PARP8: variants seen among roughly 807,000 people sequenced by gnomAD.
The protein encoded by PARP8 is protein mono-ADP-ribosyltransferase PARP8.
PARP8 carries 51 observed loss-of-function variants against 124.1 expected under a neutral mutation model. The ratio of observed to expected loss-of-function variants is 0.41; its 90% confidence interval spans 0.33 to 0.52. The LOEUF is 0.52. Among genes scored for constraint, PARP8 ranks in the 20% least tolerant of loss-of-function variants. The pLI, the probability that PARP8 is intolerant of heterozygous loss-of-function variation, is 0.21. For synonymous variants in PARP8, 391 were observed against 361.5 expected (o/e 1.08, Z -0.93); for missense variants, 860 against 1,018.9 (o/e 0.84, Z 2.12).
intron 21 of PARP8, among the ~76,000 whole-genome samples, chr5:50,828,759 G>T (rs192214790): frequency 6.7e-6 from 1 of 150,000 alleles, no homozygotes; most frequent in East Asian, 1.9e-4. Flanking sequence ...TTATCCAGGC[G>T]TGGTAGCACA....
At chr5:50,807,566 A>G (rs746627338) in intron 14 of PARP8, among the ~76,000 whole-genome samples, 4 of 152,124 alleles carry the variant, frequency 2.6e-5, no homozygotes, top group Non-Finnish European at 4.4e-5. Flanking sequence ...AAAAACAATA[A>G]AACAAGGACT....
intron 7 of PARP8, among the ~76,000 whole-genome samples, chr5:50,764,951 T>A (rs1358262464): frequency 6.6e-6 from 1 of 152,070 alleles, no homozygotes; most frequent in Non-Finnish European, 1.5e-5. Flanking sequence ...AGACTTCAAC[T>A]TCTTTTTTTT....
intron 7 of PARP8, among the ~76,000 whole-genome samples, chr5:50,767,527 G>A (rs1761174902): frequency 1.3e-5 from 2 of 152,178 alleles, no homozygotes; most frequent in Admixed American, 1.3e-4. Context: ...CAACGCAAGG[G>A]CTTTCTCCTA....
intron 25 of PARP8, among the ~76,000 whole-genome samples, chr5:50,841,742 TAA>T (rs5867719): frequency 2.1e-4 from 31 of 146,776 alleles, no homozygotes; most frequent in South Asian, 4.3e-4. Flanking sequence ...TATGCGGGGA[TAA>T]AAAAAAAAAA....
chr5:50,752,594 C>T (rs1343614822), intron 3 of PARP8, among the ~76,000 whole-genome samples: 1 of 151,884 alleles, frequency 6.6e-6, no homozygotes, highest in African/African-American at 2.4e-5. Context: ...TGTTCTTGTT[C>T]TTCCGTCCGT....
intron 3 of PARP8, among the ~76,000 whole-genome samples, chr5:50,751,892 C>T (rs535948909): frequency 1.8e-4 from 28 of 152,136 alleles, no homozygotes; most frequent in African/African-American, 6.0e-4. Flanking sequence ...TTTATTTGTA[C>T]TAAGAGTTGT....
chr5:50,726,567 C>T (rs1756451693), intron 2 of PARP8, among the ~76,000 whole-genome samples: 1 of 152,102 alleles, frequency 6.6e-6, no homozygotes, highest in South Asian at 2.1e-4. Context: ...GGGAACAAAG[C>T]CCCATTTAAC....
chr5:50,823,183 G>T (rs1745962207), intron 17 of PARP8, among the ~76,000 whole-genome samples: 1 of 152,194 alleles, frequency 6.6e-6, no homozygotes, highest in African/African-American at 2.4e-5. Context: ...TTTCTCTGGG[G>T]AGGGAATAGG....
intron 2 of PARP8, among the ~76,000 whole-genome samples, chr5:50,703,847 G>C (rs968883261): frequency 1.3e-5 from 2 of 151,776 alleles, no homozygotes; most frequent in African/African-American, 2.4e-5. Context: ...GGAGGTCGAG[G>C]CTGCAGTGAT....
At chr5:50,776,119 A>G (rs1739985776) in intron 7 of PARP8, among the ~76,000 whole-genome samples, 1 of 152,228 alleles carries the variant, frequency 6.6e-6, no homozygotes, top group African/African-American at 2.4e-5. Flanking sequence ...AATTTTATCA[A>G]ATGCTTTTTG....
At chr5:50,763,370 C>T (rs1399988567) in intron 7 of PARP8, 128 bp downstream of exon 7, 1 of 639,506 alleles carries the variant, frequency 1.6e-6, no homozygotes, top group Admixed American at 2.8e-5. Flanking sequence ...AAAGAGTCTA[C>T]TGTTTATCCT....
Position 50,696,734 on chromosome 5 carries a change from T to A in PARP8, c.146+28609T>A, listed in dbSNP as rs148040499. 3.2e-3 allele frequency among the ~76,000 whole-genome samples: 492 copies of A among 152,254 alleles called. 1 individual carries two copies. Among genetic ancestry groups the A allele is most frequent in the African/African-American group, 0.01 (417 of 41,560 alleles). On this transcript the variant is annotated intron_variant, in intron 2 of 25. Coordinates refer to ENST00000281631, the MANE Select transcript of PARP8 (RefSeq NM_024615.4). Reference sequence around the variant, plus strand: ...GTTTCACGCCATCCCTAATCACTTCTCAGGTTTCTCTATTTCTCTATTTGT... The same window carrying A: ...GTTTCACGCCATCCCTAATCACTTCACAGGTTTCTCTATTTCTCTATTTGT...
chr5:50,770,445 A>G (rs1401407562), intron 7 of PARP8, among the ~76,000 whole-genome samples: 4 of 152,044 alleles, frequency 2.6e-5, no homozygotes, highest in Non-Finnish European at 5.9e-5. Flanking sequence ...GGTCATTCAA[A>G]TTATGACCAT....
chr5:50,734,191 T>C (rs1428185313), intron 2 of PARP8, among the ~76,000 whole-genome samples: 1 of 152,204 alleles, frequency 6.6e-6, no homozygotes, highest in African/African-American at 2.4e-5. Context: ...TTTGGATGTT[T>C]ATCTTCTTGT....
intron 18 of PARP8, 133 bp from the exon 19 acceptor site, chr5:50,826,622 C>A: frequency 9.0e-7 from 1 of 1,114,758 alleles, no homozygotes; most frequent in Non-Finnish European, 1.2e-6. Context: ...CTAAATTATG[C>A]GACTAAATGA....
intron 2 of PARP8, among the ~76,000 whole-genome samples, chr5:50,707,964 A>G (rs1337321786): frequency 6.6e-6 from 1 of 152,108 alleles, no homozygotes; most frequent in Admixed American, 6.6e-5. Context: ...CCACTTCAGA[A>G]TTTTTGGTTG....
intron 2 of PARP8, among the ~76,000 whole-genome samples, chr5:50,739,528 A>G (rs1355565776): frequency 1.5e-4 from 23 of 151,912 alleles, no homozygotes; most frequent in Non-Finnish European, 3.4e-4. Context: ...TATTAATCCA[A>G]ATAAGCAGAA....
intron 9 of PARP8, among the ~76,000 whole-genome samples, chr5:50,783,443 T>G (rs1740895452): frequency 2.0e-5 from 3 of 152,160 alleles, no homozygotes; most frequent in African/African-American, 7.2e-5. Context: ...TGTTAGACAT[T>G]TTTTGATTTA....
At chr5:50,746,930 G>C (rs1165662009) in intron 2 of PARP8, among the ~76,000 whole-genome samples, 1 of 152,082 alleles carries the variant, frequency 6.6e-6, no homozygotes, top group Admixed American at 6.5e-5. Flanking sequence ...CCAGGAGGCT[G>C]CAGGGGGCAG....
Sources: gnomAD v4.1 joint callset for allele counts (sites outside exome capture counted in the v4.1 genomes callset) on GRCh38, gnomAD v4.1.1 for gene constraint, MANE v1.5 for transcripts, NCBI Gene and HGNC (gene_info 2026-07-23, HGNC 2026-07-21) for gene names.